The following ERC2 variants were observed in gnomAD, a reference collection of about 807,000 sequenced individuals.
ERC2 encodes ELKS/RAB6-interacting/CAST family member 2, also known as ERC protein 2.
ERC2 carries 42 observed loss-of-function variants against 114.8 expected under a neutral mutation model. The observed-to-expected ratio is 0.37, with a 90% CI of 0.29 to 0.47. The LOEUF (loss-of-function observed/expected upper bound fraction) is 0.47, where lower values mean the gene tolerates loss of function less well. Ranked by LOEUF, ERC2 falls within the 20% of genes least tolerant of loss-of-function variation. ERC2 has a pLI of 0.99. For missense variants in ERC2, 939 were observed against 1,150.7 expected (o/e 0.82, Z 2.66); for synonymous variants, 454 against 425.5 (o/e 1.07, Z -0.82).
At chr3:55,732,854 C>A (rs1239002739) in intron 15 of ERC2, among the ~76,000 whole-genome samples, 1 of 152,146 alleles carries the variant, frequency 6.6e-6, no homozygotes, top group Non-Finnish European at 1.5e-5. Context: ...CTAATGCTAT[C>A]ATCTATGGTC....
chr3:55,968,746 A>G (rs2068935066), intron 12 of ERC2, among the ~76,000 whole-genome samples: 2 of 152,210 alleles, frequency 1.3e-5, no homozygotes, highest in Non-Finnish European at 2.9e-5. Context: ...CAATAATGAG[A>G]GATATGTGCT....
intron 2 of ERC2, among the ~76,000 whole-genome samples, chr3:56,311,465 A>G (rs956700692): frequency 1.1e-4 from 17 of 150,444 alleles, no homozygotes; most frequent in African/African-American, 3.9e-4. Context: ...CGCCCAGCTA[A>G]TTTTTTTGTA....
Position 55,751,113 on chromosome 3 carries a change from T to C in ERC2, c.2565-16195A>G, listed in dbSNP as rs529212891. ...TGCTGCATGTTACTATCAGGGTATGTGTGAGGAACATCCTCTTCTGTTCTG... is the reference window on the plus strand; with the variant it reads ...TGCTGCATGTTACTATCAGGGTATGCGTGAGGAACATCCTCTTCTGTTCTG... On this transcript the variant is annotated intron_variant, in intron 14 of 17. Transcript: ENST00000288221. Among the ~76,000 whole-genome samples, 33 of 152,342 alleles carry C rather than the reference T, an allele frequency of 2.2e-4. No individual in the cohort carries two copies. In the Middle Eastern group the frequency reaches 0.01, roughly 47 times the overall value.
chr3:55,948,600 G>A (rs2067282723), intron 13 of ERC2, among the ~76,000 whole-genome samples: 1 of 152,108 alleles, frequency 6.6e-6, no homozygotes, highest in Admixed American at 6.6e-5. Context: ...TTTATTTGGG[G>A]TGGTCAGGAA....
At chr3:55,798,844 C>T (rs956750213) in intron 14 of ERC2, among the ~76,000 whole-genome samples, 7 of 148,086 alleles carry the variant, frequency 4.7e-5, no homozygotes, top group Admixed American at 2.7e-4. Flanking sequence ...AATTTGTAAA[C>T]GCATAAAGAA....
At chr3:56,169,482 C>A (rs2082509375) in intron 4 of ERC2, among the ~76,000 whole-genome samples, 1 of 152,074 alleles carries the variant, frequency 6.6e-6, no homozygotes, top group Non-Finnish European at 1.5e-5. Context: ...TTCTCCCTGC[C>A]CTTCCATTTG....
chr3:55,614,013 A>G (rs1029506623), intron 17 of ERC2, among the ~76,000 whole-genome samples: 1 of 118,910 alleles, frequency 8.4e-6, no homozygotes, highest in South Asian at 2.8e-4. Context: ...AAAAAAAAAA[A>G]GAAGACATGG....
chr3:55,772,333 G>C (rs989691269), intron 14 of ERC2, among the ~76,000 whole-genome samples: 99 of 142,106 alleles, frequency 7.0e-4, no homozygotes, highest in Non-Finnish European at 2.9e-4. Flanking sequence ...TTTTTTTTTT[G>C]AGACGGAGTC....
intron 12 of ERC2, among the ~76,000 whole-genome samples, chr3:55,970,819 C>T (rs549780003): frequency 6.6e-6 from 1 of 152,266 alleles, no homozygotes; most frequent in Non-Finnish European, 1.5e-5. Flanking sequence ...CCACGGGACA[C>T]AGCAATTCCA....
In ERC2 at chr3:56,458,980, G is replaced by A. The variant is rs562654545; in HGVS notation, c.-141+9268C>T. Among the ~76,000 whole-genome samples, 4 of 152,260 alleles carry A rather than the reference G, an allele frequency of 2.6e-5. No homozygotes were observed. The South Asian group carries it at 6.2e-4, about 24-fold the overall frequency. ...TCTGCCTCAAGCCAGGCACAAGAAA[G>A]ACATCTTGGTAGAAATTTGATGCCC... On this transcript the variant is annotated intron_variant, in intron 1 of 17. Transcript: ENST00000288221.
intron 2 of ERC2, among the ~76,000 whole-genome samples, chr3:56,414,689 C>G (rs1302198230): frequency 6.7e-6 from 1 of 149,692 alleles, no homozygotes; most frequent in Non-Finnish European, 1.5e-5. Flanking sequence ...CATGCCACTA[C>G]GCTCCACCCA....
intron 17 of ERC2, among the ~76,000 whole-genome samples, chr3:55,625,670 GA>G (rs1191314888): frequency 6.6e-6 from 1 of 152,132 alleles, no homozygotes; most frequent in African/African-American, 2.4e-5. Context: ...AGAATGGCGT[GA>G]ACCTGGGAGG....
intron 6 of ERC2, among the ~76,000 whole-genome samples, chr3:56,090,087 T>C (rs2077705462): frequency 6.6e-6 from 1 of 152,232 alleles, no homozygotes; most frequent in African/African-American, 2.4e-5. Flanking sequence ...AGCATGAATC[T>C]TTCTGGATTC....
chr3:55,721,038 G>A (rs1000806609), intron 15 of ERC2, among the ~76,000 whole-genome samples: 10 of 152,348 alleles, frequency 6.6e-5, no homozygotes, highest in Admixed American at 6.5e-5. Flanking sequence ...GTGAGTCAAT[G>A]AGCAATCTTT....
At chr3:55,591,858 C>T (rs879645283) in intron 17 of ERC2, among the ~76,000 whole-genome samples, 3 of 152,164 alleles carry the variant, frequency 2.0e-5, no homozygotes, top group Admixed American at 1.3e-4. Context: ...TAGGTAACCC[C>T]GTTGGGGAAG....
At chr3:55,737,600 A>G (rs1193296418) in intron 14 of ERC2, among the ~76,000 whole-genome samples, 1 of 152,218 alleles carries the variant, frequency 6.6e-6, no homozygotes, top group Non-Finnish European at 1.5e-5. Context: ...AAGGACCGAT[A>G]TTAGGAAAAT....
At chr3:56,119,156 C>T (rs774004634) in intron 6 of ERC2, among the ~76,000 whole-genome samples, 2 of 152,180 alleles carry the variant, frequency 1.3e-5, no homozygotes, top group Non-Finnish European at 2.9e-5. Flanking sequence ...GTCCTGCAGG[C>T]CATAGTTTGT....
At chr3:55,560,214 T>C (rs545234058) in intron 17 of ERC2, among the ~76,000 whole-genome samples, 2 of 152,304 alleles carry the variant, frequency 1.3e-5, no homozygotes, top group East Asian at 3.9e-4. Context: ...CAGGTGTGGC[T>C]GTGTTCCAAT....
intron 14 of ERC2, among the ~76,000 whole-genome samples, chr3:55,879,094 TC>T (rs2062998327): frequency 1.9e-5 from 1 of 53,224 alleles, no homozygotes; most frequent in Non-Finnish European, 3.7e-5. Context: ...TTTTTCTTTT[TC>T]TTAATTTTTT....
Sources: gnomAD v4.1 joint callset for allele counts (sites outside exome capture counted in the v4.1 genomes callset) on GRCh38, gnomAD v4.1.1 for gene constraint, MANE v1.5 for transcripts, NCBI Gene and HGNC (gene_info 2026-07-23, HGNC 2026-07-21) for gene names.